The following ERC2 variants were observed in gnomAD, a reference collection of about 807,000 sequenced individuals.
ERC2 encodes the protein ELKS/RAB6-interacting/CAST family member 2, also known as ERC protein 2.
ERC2 carries 42 observed loss-of-function variants against 114.8 expected under a neutral mutation model. That is an observed-to-expected ratio of 0.37 (90% CI 0.29 to 0.47). The LOEUF (loss-of-function observed/expected upper bound fraction) is 0.47, where lower values mean the gene tolerates loss of function less well. Among genes scored for constraint, ERC2 ranks in the 20% least tolerant of loss-of-function variants. The probability of loss-of-function intolerance (pLI) is 0.99; values close to 1 mark genes in which losing one functional copy is unlikely to be tolerated. For missense variants in ERC2, 939 were observed against 1,150.7 expected (o/e 0.82, Z 2.66); for synonymous variants, 454 against 425.5 (o/e 1.07, Z -0.82).
At chr3:56,209,651 A>G (rs1262031993) in intron 3 of ERC2, among the ~76,000 whole-genome samples, 2 of 152,196 alleles carry the variant, frequency 1.3e-5, no homozygotes, top group African/African-American at 4.8e-5. Flanking sequence ...TCTTGCCCAA[A>G]GTCCTCTCAC....
chr3:56,246,441 C>T (rs1362486482), intron 3 of ERC2, among the ~76,000 whole-genome samples: 1 of 152,168 alleles, frequency 6.6e-6, no homozygotes, highest in African/African-American at 2.4e-5. Flanking sequence ...CCCCTGTTGA[C>T]AACCACTGTT....
chr3:55,778,658 T>G (rs527787942), intron 14 of ERC2, among the ~76,000 whole-genome samples: 1 of 152,140 alleles, frequency 6.6e-6, no homozygotes, highest in Non-Finnish European at 1.5e-5. Flanking sequence ...ATCCACAATA[T>G]GACACATTAA....
At chr3:56,274,623 A>T (rs1022574708) in intron 3 of ERC2, among the ~76,000 whole-genome samples, 2 of 152,196 alleles carry the variant, frequency 1.3e-5, no homozygotes, top group Non-Finnish European at 2.9e-5. Flanking sequence ...GTCAGATTCA[A>T]ATATTGTTTG....
intron 17 of ERC2, among the ~76,000 whole-genome samples, chr3:55,639,973 C>G (rs909696883): frequency 1.7e-4 from 26 of 152,280 alleles, no homozygotes; most frequent in Non-Finnish European, 1.8e-4. Flanking sequence ...GGAGGCAGAT[C>G]CACACAGGGC....
intron 3 of ERC2, among the ~76,000 whole-genome samples, chr3:56,215,831 T>G (rs1395281646): frequency 6.6e-6 from 1 of 152,168 alleles, no homozygotes; most frequent in Non-Finnish European, 1.5e-5. Flanking sequence ...AACTCAGGAT[T>G]AAGAAACTCA....
intron 3 of ERC2, among the ~76,000 whole-genome samples, chr3:56,174,208 T>C (rs912903582): frequency 6.6e-6 from 1 of 152,206 alleles, no homozygotes; most frequent in Admixed American, 6.5e-5. Context: ...ATGATGAACA[T>C]TTCTTTAGGT....
chr3:55,736,465 G>T (rs2065640943), intron 14 of ERC2, among the ~76,000 whole-genome samples: 1 of 152,116 alleles, frequency 6.6e-6, no homozygotes, highest in Admixed American at 6.5e-5. Context: ...ACCACCTCAT[G>T]TCCAAGTCGG....
At chr3:56,013,637 A>C (rs111775984) in intron 8 of ERC2, among the ~76,000 whole-genome samples, 5 of 152,254 alleles carry the variant, frequency 3.3e-5, no homozygotes, top group African/African-American at 1.2e-4. Context: ...GAAATGGGGG[A>C]TGATGCTGTA....
rs760845127 is a variant in ERC2 at position 55,992,242 on chromosome 3, A to G, written c.2070T>C (p.Asn690=). The G allele has an allele frequency of 8.7e-6, 14 of 1,613,046 alleles. No homozygotes were observed. The highest frequency in any genetic ancestry group is 1.1e-5 in the Non-Finnish European group (13 of 1,179,438). The change falls in exon 11 of 18, where the codon AAT becomes AAC. Residue 690 remains asparagine, a synonymous_variant. Transcript: ENST00000288221. ...GGTTCATCCTGGAGTCATCTTCAAT[A>G]TTATGTGCCTTCAACATTACATTTT... The part of the protein sequence containing the change: ...KLEAQLKKAH[N]IEDDSRMNPE...
intron 15 of ERC2, among the ~76,000 whole-genome samples, chr3:55,733,396 G>T (rs2065383879): frequency 6.6e-6 from 1 of 151,388 alleles, no homozygotes; most frequent in African/African-American, 2.4e-5. Context: ...ACACAGTAGT[G>T]GTCTGTCTCT....
chr3:56,027,286 T>C (rs1242378097), intron 7 of ERC2, among the ~76,000 whole-genome samples: 2 of 152,184 alleles, frequency 1.3e-5, no homozygotes, highest in Non-Finnish European at 2.9e-5. Flanking sequence ...CAACTACGGG[T>C]TTTATTTTTT....
chr3:55,677,892 G>T (rs1344060999), intron 17 of ERC2, among the ~76,000 whole-genome samples: 3 of 152,282 alleles, frequency 2.0e-5, no homozygotes, highest in Non-Finnish European at 2.9e-5. Flanking sequence ...TAAGCTCCTC[G>T]AGGGTAGGAA....
At chr3:55,779,558 C>A (rs17332241) in intron 14 of ERC2, among the ~76,000 whole-genome samples, 23,663 of 151,706 alleles carry the variant, frequency 0.16, 2,041 homozygotes, top group East Asian at 0.23. Context: ...TCAAAGCTGA[C>A]GTATCTTGGA....
chr3:56,113,762 G>T (rs2079085871), intron 6 of ERC2, among the ~76,000 whole-genome samples: 2 of 152,088 alleles, frequency 1.3e-5, no homozygotes, highest in African/African-American at 2.4e-5. Context: ...GATGCCAATT[G>T]CATGTAGTGG....
Position 56,234,937 on chromosome 3 carries a change from C to A in ERC2, c.1074+61082G>T, listed in dbSNP as rs2050844784. Among the ~76,000 whole-genome samples the A allele has an allele frequency of 2.6e-5, 4 of 152,330 alleles. No individual in the cohort carries two copies. In the South Asian group the frequency reaches 8.3e-4, roughly 32 times the overall value. On this transcript the variant is annotated intron_variant, in intron 3 of 17. Transcript: ENST00000288221. Reference sequence around the variant, plus strand: ...TTTCCAACACATAAATTTAGGGGGACACATTCAAACCATAGCAGGTATTAA... The same window carrying A: ...TTTCCAACACATAAATTTAGGGGGAAACATTCAAACCATAGCAGGTATTAA...
At chr3:55,790,217 A>G (rs1381893779) in intron 14 of ERC2, among the ~76,000 whole-genome samples, 1 of 152,146 alleles carries the variant, frequency 6.6e-6, no homozygotes, top group African/African-American at 2.4e-5. Context: ...CGCTCCAGCC[A>G]TATGGAACTT....
chr3:56,408,524 C>A (rs2060815079), intron 2 of ERC2, among the ~76,000 whole-genome samples: 1 of 152,148 alleles, frequency 6.6e-6, no homozygotes, highest in Non-Finnish European at 1.5e-5. Flanking sequence ...CTGACACACA[C>A]AATTACGCTT....
intron 13 of ERC2, among the ~76,000 whole-genome samples, chr3:55,928,004 T>C (rs1011516592): frequency 6.6e-6 from 1 of 152,218 alleles, no homozygotes; most frequent in African/African-American, 2.4e-5. Context: ...TATCCACTCA[T>C]CTGTTGATAG....
intron 2 of ERC2, among the ~76,000 whole-genome samples, chr3:56,388,432 G>A (rs1269558895): frequency 6.6e-6 from 1 of 152,094 alleles, no homozygotes; most frequent in Non-Finnish European, 1.5e-5. Context: ...AGCTTCCTGA[G>A]GCCCTCACCA....
Sources: allele counts gnomAD v4.1 joint callset (sites outside exome capture counted in the v4.1 genomes callset), GRCh38; gene constraint gnomAD v4.1.1; transcripts MANE v1.5; gene names NCBI Gene and HGNC (gene_info 2026-07-23, HGNC 2026-07-21).